ATF2: variants seen among roughly 807,000 people sequenced by gnomAD.
ATF2 encodes the protein activating transcription factor 2, also known as cyclic AMP-dependent transcription factor ATF-2.
Under a neutral mutation model 60.6 loss-of-function variants are expected in ATF2, and 24 were observed. The observed-to-expected ratio is 0.40, with a 90% CI of 0.29 to 0.56. The LOEUF is 0.56. Among genes scored for constraint, ATF2 ranks in the 20% least tolerant of loss-of-function variants. The pLI, the probability that ATF2 is intolerant of heterozygous loss-of-function variation, is 0.54. For missense variants in ATF2, 433 were observed against 607.7 expected (o/e 0.71, Z 3.02); for synonymous variants, 206 against 215.4 (o/e 0.96, Z 0.38).
chr2:175,140,999 GAAAAAAAAAAAAAA>G (rs869208203), intron 2 of ATF2, among the ~76,000 whole-genome samples: 21 of 26,756 alleles, frequency 7.8e-4, no homozygotes, highest in African/African-American at 2.3e-3. Context: ...CCTATCTCAG[GAAAAAAAAAAAAAA>G]AAAAAAAAAA....
intron 9 of ATF2, among the ~76,000 whole-genome samples, chr2:175,113,734 T>C (rs556017551): frequency 6.6e-6 from 1 of 151,878 alleles, no homozygotes; most frequent in African/African-American, 2.4e-5. Context: ...AATATTTGAA[T>C]GCTACAAGTC....
chr2:175,140,520 A>T (rs937980115), intron 2 of ATF2, among the ~76,000 whole-genome samples: 1 of 152,156 alleles, frequency 6.6e-6, no homozygotes, highest in Non-Finnish European at 1.5e-5. Context: ...AAGGGGCATG[A>T]GAAAACTTTT....
chr2:175,101,423 T>C (rs1330544862), intron 10 of ATF2, among the ~76,000 whole-genome samples: 2 of 152,224 alleles, frequency 1.3e-5, no homozygotes, highest in Admixed American at 6.5e-5. Flanking sequence ...ACCCAGTCTA[T>C]AGTGATAAAT....
chr2:175,081,887 C>CA (rs1434080524), intron 12 of ATF2, among the ~76,000 whole-genome samples: 5 of 152,144 alleles, frequency 3.3e-5, no homozygotes, highest in African/African-American at 9.6e-5. Flanking sequence ...CCTGTCTCTA[C>CA]AAAAAATACA....
intron 5 of ATF2, among the ~76,000 whole-genome samples, chr2:175,119,184 C>G (rs1421119457): frequency 1.3e-5 from 2 of 151,616 alleles, no homozygotes; most frequent in Non-Finnish European, 3.0e-5. Context: ...AAGCAAGAAA[C>G]TTATAAATTC....
intron 2 of ATF2, among the ~76,000 whole-genome samples, chr2:175,143,829 G>C (rs895201077): frequency 6.6e-6 from 1 of 151,948 alleles, no homozygotes; most frequent in Non-Finnish European, 1.5e-5. Flanking sequence ...GTCTTGCTCT[G>C]TCACCCAGGC....
At chr2:175,076,202 T>C (rs577009065) in intron 13 of ATF2, among the ~76,000 whole-genome samples, 1 of 152,184 alleles carries the variant, frequency 6.6e-6, no homozygotes, top group Non-Finnish European at 1.5e-5. Flanking sequence ...ACAGAATTTT[T>C]CAACATCTGC....
intron 4 of ATF2, among the ~76,000 whole-genome samples, chr2:175,125,814 C>T (rs1198203450): frequency 6.6e-6 from 1 of 152,018 alleles, no homozygotes; most frequent in Non-Finnish European, 1.5e-5. Flanking sequence ...CAGTATGGTC[C>T]CAATTTTGTT....
chr2:175,078,392 T>C (rs1162165611), intron 13 of ATF2, among the ~76,000 whole-genome samples: 2 of 152,222 alleles, frequency 1.3e-5, no homozygotes, highest in African/African-American at 4.8e-5. Flanking sequence ...ATCTAAAGAA[T>C]GTGAATTCAT....
intron 1 of ATF2, among the ~76,000 whole-genome samples, chr2:175,164,530 T>A (rs1478688542): frequency 6.6e-6 from 1 of 152,190 alleles, no homozygotes; most frequent in African/African-American, 2.4e-5. Flanking sequence ...GGAGACTCTG[T>A]CTCAAAAATA....
At chr2:175,134,358 C>T (rs1697975640) in intron 3 of ATF2, among the ~76,000 whole-genome samples, 1 of 152,020 alleles carries the variant, frequency 6.6e-6, no homozygotes, top group East Asian at 1.9e-4. Flanking sequence ...TGGATCCAAT[C>T]ACCCACAGAT....
chr2:175,155,044 G>A (rs1699585454), intron 1 of ATF2, among the ~76,000 whole-genome samples: 1 of 152,194 alleles, frequency 6.6e-6, no homozygotes, highest in Non-Finnish European at 1.5e-5. Context: ...CAAGGAGGCA[G>A]TATGGGATAC....
chr2:175,073,701 T>C lies in ATF2; in HGVS notation c.*908A>G, dbSNP rs1392324512. 6.6e-6 allele frequency: 1 copy of C among 152,150 alleles called. No homozygotes were observed. Among genetic ancestry groups the C allele is most frequent in the African/African-American group, 2.4e-5 (1 of 41,434 alleles). The allele number at this position is 152,150 out of a possible 1,614,324, so 9.4% of individuals were successfully genotyped here. On this transcript the variant is annotated 3_prime_UTR_variant, in exon 14 of 14. Transcript: ENST00000264110. Reference sequence around the variant, plus strand: ...TTTTCTAAGTAGTAATTTTAGGCTTTTCTGGCAACCATACCATACTTAATT... The same window carrying C: ...TTTTCTAAGTAGTAATTTTAGGCTTCTCTGGCAACCATACCATACTTAATT...
Position 175,074,645 on chromosome 2 carries a change from C to T in ATF2, c.1482G>A (p.Met494Ile). The change falls in exon 14 of 14, where the codon ATG becomes ATA. Residue 494 changes from methionine (M) to isoleucine (I), a missense_variant. Physicochemically the swap from Met to Ile is conservative, Grantham distance 10 (BLOSUM62 1). This residue lies in a region of ATF2 where 114 missense variants were observed against 104.0 expected (regional missense o/e 1.10). Transcript: ENST00000264110. ...STEPALSQIV[M>I]APSSQSQPSG... ...AGGGCTGTGACTGGGAGGAAGGAGC[C>T]ATAACGATCTGTGAAAGAGCAGGCT... 6.2e-7 allele frequency: 1 copy of T among 1,613,118 alleles called. No individual in the cohort carries two copies. The highest frequency in any genetic ancestry group is 8.5e-7 in the Non-Finnish European group (1 of 1,179,554).
At chr2:175,093,635 A>T (rs212358) in intron 11 of ATF2, among the ~76,000 whole-genome samples, 1 of 152,126 alleles carries the variant, frequency 6.6e-6, no homozygotes, top group Non-Finnish European at 1.5e-5. Context: ...CTGGAAAACT[A>T]ATTATAAATT....
chr2:175,114,119 CAAAAG>C lies in ATF2; in HGVS notation c.627-16_627-12del, dbSNP rs1453887250. 1.4e-5 allele frequency: 22 copies of C among 1,559,660 alleles called. No homozygotes were observed. Among genetic ancestry groups the C allele is most frequent in the Non-Finnish European group, 1.9e-5 (22 of 1,158,824 alleles). On this transcript the variant is annotated splice_polypyrimidine_tract_variant and intron_variant, in intron 8 of 13. Transcript: ENST00000264110. The stretch of plus-strand genomic sequence containing the variant: ...GGGCCTGGTACAGGGCTAAGAAAAA[CAAAAG>C]AAGAGAAATTTTAAAAAAGAGATTC...
At chr2:175,113,965 T>G in intron 9 of ATF2, 29 bp downstream of exon 9, 3 of 1,555,562 alleles carry the variant, frequency 1.9e-6, no homozygotes, top group African/African-American at 1.4e-5. Flanking sequence ...AGTTTTGCGA[T>G]AGAGATTTAA....
chr2:175,114,923 T>A, intron 7 of ATF2, 55 bp from the exon 8 acceptor site: 2 of 1,552,996 alleles, frequency 1.3e-6, no homozygotes, highest in Non-Finnish European at 1.8e-6. Flanking sequence ...ATCATGTACC[T>A]TAGTGAACAG....
In ATF2 at chr2:175,114,124, GAA is replaced by G. The variant is rs1559079723; in HGVS notation, c.627-18_627-17del. On this transcript the variant is annotated splice_polypyrimidine_tract_variant and intron_variant, in intron 8 of 13. Transcript: ENST00000264110. ...TGGTACAGGGCTAAGAAAAACAAAA[GAA>G]GAGAAATTTTAAAAAAGAGATTCAT... 3 of 1,557,868 alleles carry G rather than the reference GAA, an allele frequency of 1.9e-6. No homozygotes were observed. The highest frequency in any genetic ancestry group is 2.4e-5 in the South Asian group (2 of 83,052).
Sources: allele counts gnomAD v4.1 joint callset (sites outside exome capture counted in the v4.1 genomes callset), GRCh38; gene constraint gnomAD v4.1.1; regional missense constraint gnomAD v4.1.1; transcripts MANE v1.5; gene names NCBI Gene and HGNC (gene_info 2026-07-23, HGNC 2026-07-21).